HSD17B3: variants seen among roughly 807,000 people sequenced by gnomAD.
HSD17B3 encodes 17-beta-hydroxysteroid dehydrogenase type 3.
In HSD17B3, 29 loss-of-function variants were observed where a neutral mutation model predicts 41.1. The ratio of observed to expected loss-of-function variants is 0.71; its 90% CI spans 0.53 to 0.96. The LOEUF (loss-of-function observed/expected upper bound fraction) is 0.96. HSD17B3 is among the 40% of genes least tolerant of loss of function. The probability of loss-of-function intolerance (pLI) is 0.00; values close to 1 mark genes in which losing one functional copy is unlikely to be tolerated. For missense variants in HSD17B3, 323 were observed against 374.6 expected (o/e 0.86, Z 1.14); for synonymous variants, 126 against 145.6 (o/e 0.87, Z 0.97).
intron 2 of HSD17B3, among the ~76,000 whole-genome samples, chr9:96,275,415 C>T (rs1023943291): frequency 2.6e-5 from 4 of 151,846 alleles, no homozygotes; most frequent in East Asian, 3.9e-4. Flanking sequence ...AACAGATACC[C>T]GGTATAAAAA....
intron 9 of HSD17B3, among the ~76,000 whole-genome samples, chr9:96,242,411 G>A (rs1836492415): frequency 6.6e-6 from 1 of 152,186 alleles, no homozygotes; most frequent in African/African-American, 2.4e-5. Context: ...ATATAAGCAG[G>A]CATTATAAGC....
At position 96,277,835 on chromosome 9, in the gene HSD17B3, G is replaced by GCGCACA. The variant is rs1450902519; in HGVS notation, c.201+20580_201+20581insTGTGCG. Among the ~76,000 whole-genome samples, 644 of 146,012 alleles carry GCGCACA rather than the reference G, an allele frequency of 4.4e-3. 3 individuals carry two copies. Among genetic ancestry groups the GCGCACA allele is most frequent in the African/African-American group, 0.014 (548 of 39,552 alleles). ...TTAACAGATGAATAAGGAAAATGTG[G>GCGCACA]CACACACACACACACACACACACAC... On this transcript the variant is annotated intron_variant, in intron 2 of 10. Transcript: ENST00000375263.
chr9:96,245,284 T>C, intron 8 of HSD17B3, 61 bp downstream of exon 8: 3 of 1,320,946 alleles, frequency 2.3e-6, no homozygotes, highest in South Asian at 1.2e-5. Flanking sequence ...TCAAAGGAAA[T>C]TGCCAACTGG....
intron 2 of HSD17B3, among the ~76,000 whole-genome samples, chr9:96,275,750 T>C (rs898603059): frequency 3.3e-5 from 5 of 150,368 alleles, no homozygotes; most frequent in Admixed American, 6.6e-5. Context: ...CAATAATCGA[T>C]ACAAAAAAGA....
chr9:96,283,592 A>T (rs971330487), intron 2 of HSD17B3, among the ~76,000 whole-genome samples: 30 of 152,112 alleles, frequency 2.0e-4, no homozygotes, highest in African/African-American at 6.8e-4. Context: ...TTCTGATATG[A>T]CTTACTGTAT....
chr9:96,272,405 C>CTCTCTCTCTCTATATATATATA (rs1239816824), intron 2 of HSD17B3, among the ~76,000 whole-genome samples: 1 of 21,550 alleles, frequency 4.6e-5, no homozygotes, highest in African/African-American at 1.6e-4. Flanking sequence ...CTCTCTCTCT[C>CTCTCTCTCTCTATATATATATA]TATATATATA....
chr9:96,270,958 G>C (rs369020336), intron 2 of HSD17B3, among the ~76,000 whole-genome samples: 5 of 147,250 alleles, frequency 3.4e-5, no homozygotes, highest in Non-Finnish European at 7.5e-5. Flanking sequence ...CCTCTCGGGG[G>C]GGGGGGTTAA....
intron 2 of HSD17B3, among the ~76,000 whole-genome samples, chr9:96,271,299 AG>A (rs1246285763): frequency 2.0e-5 from 3 of 152,218 alleles, no homozygotes; most frequent in Non-Finnish European, 2.9e-5. Flanking sequence ...AGTTTAGAAC[AG>A]GGTTTATGGT....
chr9:96,248,936 TTCTC>T (rs1198868254), intron 6 of HSD17B3, among the ~76,000 whole-genome samples: 2 of 151,692 alleles, frequency 1.3e-5, no homozygotes, highest in Admixed American at 6.6e-5. Context: ...GACAGAGACT[TTCTC>T]TGTCGCCCAG....
intron 2 of HSD17B3, among the ~76,000 whole-genome samples, chr9:96,272,405 C>CTCTCTCTCTCTCTATATATA (rs1239816824): frequency 4.6e-5 from 1 of 21,538 alleles, no homozygotes; most frequent in Non-Finnish European, 8.8e-5. Flanking sequence ...CTCTCTCTCT[C>CTCTCTCTCTCTCTATATATA]TATATATATA....
At chr9:96,263,550 T>A (rs1825939399) in intron 2 of HSD17B3, among the ~76,000 whole-genome samples, 1 of 56,508 alleles carries the variant, frequency 1.8e-5, no homozygotes, top group South Asian at 4.7e-4. Context: ...ACCCCGTCTC[T>A]ACTAAAAAAA....
At chr9:96,257,360 A>G (rs1177934216) in intron 2 of HSD17B3, among the ~76,000 whole-genome samples, 1 of 152,036 alleles carries the variant, frequency 6.6e-6, no homozygotes, top group Non-Finnish European at 1.5e-5. Context: ...CAAGGAAACA[A>G]ATGTCTCCAA....
At chr9:96,257,739 C>T (rs2130738823) in intron 2 of HSD17B3, among the ~76,000 whole-genome samples, 1 of 152,324 alleles carries the variant, frequency 6.6e-6, no homozygotes, top group East Asian at 1.9e-4. Context: ...GCAAGCCCTT[C>T]TACATAGCTC....
chr9:96,293,859 C>T (rs1564064042), intron 2 of HSD17B3, among the ~76,000 whole-genome samples: 2 of 152,174 alleles, frequency 1.3e-5, no homozygotes. Context: ...TTAACCCTTA[C>T]AAAAACCTAG....
chr9:96,276,010 A>G (rs1190377327), intron 2 of HSD17B3, among the ~76,000 whole-genome samples: 1 of 150,392 alleles, frequency 6.6e-6, no homozygotes, highest in East Asian at 2.0e-4. Flanking sequence ...AGAGATTCAC[A>G]TAAGCTGGGC....
intron 10 of HSD17B3, among the ~76,000 whole-genome samples, chr9:96,240,288 A>T (rs1366587412): frequency 6.6e-6 from 1 of 152,254 alleles, no homozygotes; most frequent in Non-Finnish European, 1.5e-5. Flanking sequence ...GCACTCCTCA[A>T]TTCATGCACA....
At chr9:96,237,939 G>T (rs892011492) in intron 10 of HSD17B3, among the ~76,000 whole-genome samples, 1 of 152,096 alleles carries the variant, frequency 6.6e-6, no homozygotes. Flanking sequence ...AGACCAGTCT[G>T]GGCAACAAAG....
intron 2 of HSD17B3, among the ~76,000 whole-genome samples, chr9:96,293,089 T>C (rs1270564875): frequency 6.6e-6 from 1 of 152,130 alleles, no homozygotes; most frequent in Non-Finnish European, 1.5e-5. Flanking sequence ...TCTTGGGACA[T>C]TGGGAAGAAA....
rs567647090 is a variant in HSD17B3 at position 96,242,375 on chromosome 9, C to T, written c.673-1468G>A. Among the ~76,000 whole-genome samples the T allele has an allele frequency of 6.6e-5, 10 of 152,262 alleles. No homozygotes were observed. In the East Asian group the frequency reaches 1.5e-3, roughly 23 times the overall value. On this transcript the variant is annotated intron_variant, in intron 9 of 10. Coordinates refer to ENST00000375263, the MANE Select transcript of HSD17B3 (RefSeq NM_000197.2). ...GTTTAAACATATGTACTTATTTCTT[C>T]GTTAGATCTTTACTATAACCCAGAG...
Sources: allele counts gnomAD v4.1 joint callset (sites outside exome capture counted in the v4.1 genomes callset), GRCh38; gene constraint gnomAD v4.1.1; transcripts MANE v1.5; gene names NCBI Gene and HGNC (gene_info 2026-07-23, HGNC 2026-07-21).